The following PTN variants were observed in gnomAD, a reference collection of about 807,000 sequenced individuals.
PTN encodes heparin affin regulatory protein.
Under a neutral mutation model 24.1 loss-of-function variants are expected in PTN, and 18 were observed. The observed-to-expected ratio is 0.75, with a 90% confidence interval of 0.52 to 1.11. PTN has a LOEUF of 1.11. Among genes scored for constraint, PTN ranks in the 50% least tolerant of loss-of-function variants. The probability of loss-of-function intolerance (pLI) is 0.00; values close to 1 mark genes in which losing one functional copy is unlikely to be tolerated. For synonymous variants in PTN, 78 were observed against 68.6 expected (o/e 1.14, Z -0.67); for missense variants, 163 against 198.8 (o/e 0.82, Z 1.08).
At chr7:137,240,536 T>G (rs1371206245) in intron 4 of PTN, among the ~76,000 whole-genome samples, 1 of 152,102 alleles carries the variant, frequency 6.6e-6, no homozygotes, top group Non-Finnish European at 1.5e-5. Flanking sequence ...ACAGTAGAAA[T>G]GTATGAAAGA....
intron 1 of PTN, among the ~76,000 whole-genome samples, chr7:137,268,075 T>C (rs939450304): frequency 7.2e-5 from 11 of 152,088 alleles, no homozygotes; most frequent in Non-Finnish European, 1.2e-4. Flanking sequence ...AAGACTAGTC[T>C]TACCGAGTTT....
chr7:137,252,679 C>T (rs967907907), intron 3 of PTN, among the ~76,000 whole-genome samples: 2 of 151,844 alleles, frequency 1.3e-5, no homozygotes, highest in Non-Finnish European at 2.9e-5. Flanking sequence ...GGCCACAATG[C>T]ATTTCCATAG....
At chr7:137,324,762 A>G (rs951439858) in intron 1 of PTN, 5 of 152,180 alleles carry the variant, frequency 3.3e-5, no homozygotes, top group Non-Finnish European at 7.3e-5. Context: ...AGAAGTCTCC[A>G]TTCTGGGAAC....
At chr7:137,339,474 G>A (rs1810499876) in intron 1 of PTN, among the ~76,000 whole-genome samples, 1 of 150,242 alleles carries the variant, frequency 6.7e-6, no homozygotes, top group Non-Finnish European at 1.5e-5. Flanking sequence ...AACTCCAGCT[G>A]CGCCTCTACA....
chr7:137,251,445 C>T, intron 3 of PTN, 54 bp from the exon 4 acceptor site: 1 of 1,567,486 alleles, frequency 6.4e-7, no homozygotes, highest in Non-Finnish European at 8.7e-7. Flanking sequence ...ATCGTACTTC[C>T]AGGATAATAA....
At chr7:137,241,045 C>G (rs1389271956) in intron 4 of PTN, among the ~76,000 whole-genome samples, 2 of 152,018 alleles carry the variant, frequency 1.3e-5, no homozygotes, top group African/African-American at 4.8e-5. Context: ...TGGCTGAAGG[C>G]GAAGGGAAAA....
chr7:137,324,636 C>T (rs1810228276), intron 1 of PTN: 1 of 151,562 alleles, frequency 6.6e-6, no homozygotes, highest in African/African-American at 2.4e-5. Context: ...TAACAAAACG[C>T]CAACTTTAAA....
At chr7:137,272,578 A>G (rs957568570) in intron 1 of PTN, among the ~76,000 whole-genome samples, 2 of 152,226 alleles carry the variant, frequency 1.3e-5, no homozygotes, top group Admixed American at 6.5e-5. Flanking sequence ...AAAATGTGGC[A>G]TATAAAACTG....
intron 1 of PTN, among the ~76,000 whole-genome samples, chr7:137,273,372 A>G (rs76960820): frequency 0.097 from 14,834 of 152,230 alleles, 858 homozygotes; most frequent in Non-Finnish European, 0.12. Flanking sequence ...TCACACTGCT[A>G]TAAAGACCTG....
At chr7:137,291,600 G>A (rs565517032) in intron 1 of PTN, among the ~76,000 whole-genome samples, 1 of 151,974 alleles carries the variant, frequency 6.6e-6, no homozygotes, top group South Asian at 2.1e-4. Context: ...CACCAGTTTT[G>A]ACTTGAGTAT....
intron 1 of PTN, among the ~76,000 whole-genome samples, chr7:137,330,294 TGAA>T (rs772976519): frequency 6.9e-6 from 1 of 144,592 alleles, no homozygotes; most frequent in African/African-American, 2.6e-5. Flanking sequence ...TCAAAAAAAA[TGAA>T]GAAGATGGAG....
chr7:137,316,884 C>A (rs1810081727), intron 1 of PTN, among the ~76,000 whole-genome samples: 1 of 152,162 alleles, frequency 6.6e-6, no homozygotes. Context: ...AAGGCAGTGG[C>A]GCCTGTGCCA....
rs147983721 is a variant in PTN, at chr7:137,291,971, A to C, written c.-1-36997T>G. On this transcript the variant is annotated intron_variant, in intron 1 of 4. Coordinates refer to ENST00000348225, the MANE Select transcript of PTN (RefSeq NM_002825.7). Reference sequence around the variant, plus strand: ...ATTAGATCCTTTGGCATCCTCCTCTAATAACCCAATGGCATTCAGTCTCTG... The same window carrying C: ...ATTAGATCCTTTGGCATCCTCCTCTCATAACCCAATGGCATTCAGTCTCTG... 5.9e-3 allele frequency among the ~76,000 whole-genome samples: 893 copies of C among 152,242 alleles called. 12 individuals are homozygous for C. Among genetic ancestry groups the C allele is most frequent in the South Asian group, 0.042 (205 of 4,828 alleles).
At chr7:137,264,720 G>C (rs1809107285) in intron 1 of PTN, among the ~76,000 whole-genome samples, 1 of 152,192 alleles carries the variant, frequency 6.6e-6, no homozygotes, top group Non-Finnish European at 1.5e-5. Flanking sequence ...CACAGAGCAA[G>C]CTTTGGTATC....
chr7:137,245,844 G>T (rs1808713218), intron 4 of PTN, among the ~76,000 whole-genome samples: 2 of 152,014 alleles, frequency 1.3e-5, no homozygotes, highest in Non-Finnish European at 1.5e-5. Context: ...AAATGCTTAT[G>T]GAATAAAGAT....
intron 4 of PTN, among the ~76,000 whole-genome samples, chr7:137,236,635 C>T (rs1170661649): frequency 6.6e-6 from 1 of 152,058 alleles, no homozygotes; most frequent in African/African-American, 2.4e-5. Flanking sequence ...ACAGATTCAT[C>T]GACCTCTATA....
intron 1 of PTN, among the ~76,000 whole-genome samples, chr7:137,295,617 G>T (rs1809707345): frequency 6.6e-6 from 1 of 152,008 alleles, no homozygotes; most frequent in South Asian, 2.1e-4. Context: ...AGTTTATATT[G>T]ATTTAGATGG....
At chr7:137,299,846 G>C (rs2128878337) in intron 1 of PTN, among the ~76,000 whole-genome samples, 1 of 152,004 alleles carries the variant, frequency 6.6e-6, no homozygotes, top group South Asian at 2.1e-4. Flanking sequence ...CCTGACCCTA[G>C]AATCATGGTA....
At chr7:137,276,088 T>C (rs979470453) in intron 1 of PTN, among the ~76,000 whole-genome samples, 2 of 152,232 alleles carry the variant, frequency 1.3e-5, no homozygotes, top group Non-Finnish European at 2.9e-5. Flanking sequence ...ATCTTGGTTA[T>C]GTTTGTGAGG....
Sources: allele counts gnomAD v4.1 joint callset (sites outside exome capture counted in the v4.1 genomes callset), GRCh38; gene constraint gnomAD v4.1.1; transcripts MANE v1.5; gene names NCBI Gene and HGNC (gene_info 2026-07-23, HGNC 2026-07-21).